Variants in ATP8A1 observed in about 807,000 individuals in gnomAD.
ATP8A1 encodes ATPase phospholipid transporting 8A1.
ATP8A1 carries 90 observed loss-of-function variants against 177.7 expected under a neutral mutation model. That is an observed-to-expected ratio of 0.51 (90% CI 0.43 to 0.60). ATP8A1 has a LOEUF of 0.60. Among genes scored for constraint, ATP8A1 ranks in the 20% least tolerant of loss-of-function variants. The pLI is 0.00. For missense variants in ATP8A1, 1,072 were observed against 1,392.8 expected (o/e 0.77, Z 3.67); for synonymous variants, 493 against 485.9 (o/e 1.01, Z -0.19).
intron 20 of ATP8A1, among the ~76,000 whole-genome samples, chr4:42,540,811 TAA>T (rs1417744020): frequency 1.3e-5 from 2 of 151,806 alleles, no homozygotes; most frequent in African/African-American, 4.8e-5. Context: ...GGAGGGAGGA[TAA>T]AGAGGACTGG....
rs867059514 is a variant in ATP8A1, at chr4:42,485,497, G to A, written c.2323C>T (p.Arg775Trp). ...ALSCKAVICC[R>W]VSPLQKSEVV... ...CTGACAATGATAAGGAGAACTTACCGACAGCAAATGACAGCTTTGCATGAC... is the reference window on the plus strand; with the variant it reads ...CTGACAATGATAAGGAGAACTTACCAACAGCAAATGACAGCTTTGCATGAC... The change falls in exon 25 of 37, where the codon CGG becomes TGG. Residue 775 changes from arginine (R) to tryptophan (W), a missense_variant and splice_region_variant. By Grantham distance (101) the Arg-to-Trp change is moderately radical. Coordinates refer to ENST00000381668, the MANE Select transcript of ATP8A1 (RefSeq NM_006095.2). 1.9e-6 allele frequency: 3 copies of A among 1,606,854 alleles called. No individual in the cohort carries two copies. Among genetic ancestry groups the A allele is most frequent in the East Asian group, 2.2e-5 (1 of 44,688 alleles).
chr4:42,611,254 AG>A (rs1736339575), intron 5 of ATP8A1, among the ~76,000 whole-genome samples: 1 of 11,132 alleles, frequency 9.0e-5, no homozygotes, highest in Non-Finnish European at 7.1e-3. Flanking sequence ...TGGGGAAGGA[AG>A]ATAAGGTGAA....
intron 22 of ATP8A1, among the ~76,000 whole-genome samples, chr4:42,510,925 G>A (rs942144583): frequency 2.6e-5 from 4 of 152,202 alleles, no homozygotes; most frequent in African/African-American, 9.6e-5. Context: ...GGTATGCTGA[G>A]AAAAGTCACA....
At chr4:42,428,252 G>C (rs1462382589) in intron 33 of ATP8A1, among the ~76,000 whole-genome samples, 1 of 152,174 alleles carries the variant, frequency 6.6e-6, no homozygotes, top group Non-Finnish European at 1.5e-5. Context: ...TTTCTCACCT[G>C]AACTTGAAGC....
intron 25 of ATP8A1, among the ~76,000 whole-genome samples, chr4:42,480,644 C>T (rs62302262): frequency 2.2e-3 from 337 of 152,230 alleles, no homozygotes; most frequent in Non-Finnish European, 3.4e-3. Flanking sequence ...AGTAGATGTG[C>T]CTTTATTTAA....
chr4:42,492,345 T>C (rs1722822339), intron 24 of ATP8A1, among the ~76,000 whole-genome samples: 1 of 152,190 alleles, frequency 6.6e-6, no homozygotes, highest in Non-Finnish European at 1.5e-5. Context: ...AGATACATCA[T>C]TTAATAATGT....
Position 42,627,060 on chromosome 4 carries a change from C to T in ATP8A1, c.99G>A (p.Gln33=), listed in dbSNP as rs1393821352. 10 of 1,614,030 alleles carry T rather than the reference C, an allele frequency of 6.2e-6. No homozygotes were observed. Among genetic ancestry groups the T allele is most frequent in the Non-Finnish European group, 8.5e-6 (10 of 1,179,986 alleles). Residue 33 remains glutamine, a synonymous_variant, in exon 2 of 37, where the codon CAG becomes CAA. Coordinates refer to ENST00000381668, the MANE Select transcript of ATP8A1 (RefSeq NM_006095.2). ...TGATGAAAATAGTCCTTACTTCCTC[C>T]TGGTCAGCCAGTGAGGTCTTCTCTG... The part of the protein sequence containing the change: ...DVSEKTSLAD[Q]EEVRTIFINQ...
At chr4:42,417,196 A>T (rs913747053) in intron 35 of ATP8A1, among the ~76,000 whole-genome samples, 2 of 152,162 alleles carry the variant, frequency 1.3e-5, no homozygotes, top group African/African-American at 4.8e-5. Flanking sequence ...ACTCATTTCA[A>T]CATCTATGCA....
chr4:42,581,310 T>G (rs746164040), intron 10 of ATP8A1, among the ~76,000 whole-genome samples: 1 of 152,152 alleles, frequency 6.6e-6, no homozygotes, highest in African/African-American at 2.4e-5. Context: ...ATTTTTTGTA[T>G]TTTCAGTAGA....
chr4:42,583,381 T>C (rs530280791), intron 9 of ATP8A1, among the ~76,000 whole-genome samples: 110 of 152,118 alleles, frequency 7.2e-4, no homozygotes, highest in African/African-American at 2.6e-3. Context: ...CATTTCAGAG[T>C]TGAAAGGGGC....
At chr4:42,545,005 C>T (rs1728750601) in intron 19 of ATP8A1, among the ~76,000 whole-genome samples, 1 of 151,824 alleles carries the variant, frequency 6.6e-6, no homozygotes, top group Admixed American at 6.6e-5. Flanking sequence ...ACTAAAAATA[C>T]AAAAATTAGC....
chr4:42,589,949 A>C (rs1442265206), intron 7 of ATP8A1, among the ~76,000 whole-genome samples: 4 of 152,164 alleles, frequency 2.6e-5, no homozygotes, highest in Non-Finnish European at 5.9e-5. Context: ...TGGGGTAATA[A>C]AATAAGCATC....
At chr4:42,564,733 C>T (rs1473027726) in intron 15 of ATP8A1, among the ~76,000 whole-genome samples, 1 of 152,142 alleles carries the variant, frequency 6.6e-6, no homozygotes, top group Non-Finnish European at 1.5e-5. Flanking sequence ...CTGTGGACTT[C>T]TCAGTTAATG....
intron 23 of ATP8A1, among the ~76,000 whole-genome samples, chr4:42,506,457 C>T (rs116827175): frequency 0.01 from 1,533 of 152,266 alleles, 25 homozygotes; most frequent in African/African-American, 0.035. Flanking sequence ...TTATAAGCCA[C>T]CCAGCTCGTG....
At chr4:42,481,806 T>C (rs186399199) in intron 25 of ATP8A1, among the ~76,000 whole-genome samples, 2 of 152,326 alleles carry the variant, frequency 1.3e-5, no homozygotes, top group African/African-American at 2.4e-5. Context: ...ATAACTTTCA[T>C]TTATTCTCCA....
At chr4:42,568,805 C>T (rs901661324) in intron 15 of ATP8A1, among the ~76,000 whole-genome samples, 5 of 152,040 alleles carry the variant, frequency 3.3e-5, no homozygotes, top group African/African-American at 1.2e-4. Context: ...ACATAAGTAG[C>T]GGCAGAAGGT....
chr4:42,601,224 C>T (rs1280296769), intron 5 of ATP8A1, among the ~76,000 whole-genome samples: 1 of 151,758 alleles, frequency 6.6e-6, no homozygotes, highest in Non-Finnish European at 1.5e-5. Context: ...TTAGTAGAGA[C>T]AGCATTTCAT....
chr4:42,434,944 T>C (rs1715743553), intron 33 of ATP8A1, among the ~76,000 whole-genome samples: 1 of 152,194 alleles, frequency 6.6e-6, no homozygotes, highest in African/African-American at 2.4e-5. Flanking sequence ...TGACTTCTAT[T>C]ACATGGAAGA....
At chr4:42,629,757 T>C (rs943134775) in intron 1 of ATP8A1, among the ~76,000 whole-genome samples, 2 of 152,236 alleles carry the variant, frequency 1.3e-5, no homozygotes, top group Non-Finnish European at 2.9e-5. Flanking sequence ...AGGAATATTC[T>C]GATGAAGGTA....
Sources: gnomAD v4.1 joint callset for allele counts (sites outside exome capture counted in the v4.1 genomes callset) on GRCh38, gnomAD v4.1.1 for gene constraint, MANE v1.5 for transcripts, NCBI Gene and HGNC (gene_info 2026-07-23, HGNC 2026-07-21) for gene names.